The following PRKAG2 variants were observed in gnomAD, a reference collection of about 807,000 sequenced individuals.
The protein encoded by PRKAG2 is protein kinase AMP-activated non-catalytic subunit gamma 2.
Under a neutral mutation model 69.6 loss-of-function variants are expected in PRKAG2, and 26 were observed. The ratio of observed to expected loss-of-function variants is 0.37; its 90% CI spans 0.27 to 0.52. PRKAG2 has a LOEUF of 0.52. PRKAG2 is among the 20% of genes least tolerant of loss of function. The pLI is 0.90. For synonymous variants in PRKAG2, 293 were observed against 285.0 expected, an observed-to-expected ratio of 1.03 and a Z score of -0.28; for missense variants, 557 against 740.0, an observed-to-expected ratio of 0.75 and a Z score of 2.87.
chr7:151,595,398 A>G lies in PRKAG2; in HGVS notation c.811T>C (p.Tyr271His). ...TTTGAACTGGTTGGAACGATGTCATAACACTTGTGTGACCTCATGAATCGC... is the reference window on the plus strand; with the variant it reads ...TTTGAACTGGTTGGAACGATGTCATGACACTTGTGTGACCTCATGAATCGC... ...YMRFMRSHKCYDIVPTSSKLV... is the reference protein window; with the variant it reads ...YMRFMRSHKCHDIVPTSSKLV... Residue 271 changes from tyrosine to histidine, a missense_variant, in exon 6 of 16, where the codon TAT (tyrosine) becomes CAT (histidine). Around this residue, in one of 2 missense-constraint regions of PRKAG2, gnomAD observed 205 missense variants for 383.4 expected, o/e 0.53. Transcript: ENST00000287878. The G allele has an allele frequency of 1.2e-6, 2 of 1,614,138 alleles. No homozygotes were observed. Among genetic ancestry groups the G allele is most frequent in the Non-Finnish European group, 1.7e-6 (2 of 1,180,010 alleles).
At chr7:151,645,710 A>G (rs1827450907) in intron 4 of PRKAG2, among the ~76,000 whole-genome samples, 1 of 152,146 alleles carries the variant, frequency 6.6e-6, no homozygotes, top group African/African-American at 2.4e-5. Flanking sequence ...CAAGTTTTTA[A>G]TTTTGATAAG....
chr7:151,660,867 A>G (rs963029052), intron 4 of PRKAG2, among the ~76,000 whole-genome samples: 2 of 152,226 alleles, frequency 1.3e-5, no homozygotes, highest in Non-Finnish European at 2.9e-5. Flanking sequence ...TTCCTTTTAT[A>G]ATCAGAGGAA....
Position 151,800,153 on chromosome 7 carries a change from C to G in PRKAG2, c.115-13612G>C, listed in dbSNP as rs544277160. ...TGGGCGGATCATGAGGTCAGGAGAT[C>G]GAGACCATCCTGGCTAACATGGTGA... On this transcript the variant is annotated intron_variant, in intron 1 of 15. Transcript: ENST00000287878. 5.3e-5 allele frequency among the ~76,000 whole-genome samples: 8 copies of G among 151,900 alleles called. No individual in the cohort carries two copies. The East Asian group carries it at 7.8e-4, about 15-fold the overall frequency.
chr7:151,875,696 G>T lies in PRKAG2; in HGVS notation c.114+811C>A, dbSNP rs578141092. On this transcript the variant is annotated intron_variant, in intron 1 of 15. Transcript: ENST00000287878. The stretch of plus-strand genomic sequence containing the variant: ...TCCCACCGCCCTACCCCGCTACGTG[G>T]AGGCGAGGAACAGTGGCCGCGGGCT... Among the ~76,000 whole-genome samples, 32 of 151,432 alleles carry T rather than the reference G, an allele frequency of 2.1e-4. No individual in the cohort carries two copies. The East Asian group carries it at 4.4e-3, about 21-fold the overall frequency.
rs2074160535 is a variant in PRKAG2, at chr7:151,744,774, CG to C, written c.466+36377del. Among the ~76,000 whole-genome samples, 3 of 152,218 alleles carry C rather than the reference CG, an allele frequency of 2.0e-5. No individual in the cohort carries two copies. The South Asian group carries it at 6.2e-4, about 32-fold the overall frequency. On this transcript the variant is annotated intron_variant, in intron 3 of 15. Coordinates refer to ENST00000287878, the MANE Select transcript of PRKAG2 (RefSeq NM_016203.4). ...CAGGGCTGCTGAGGCCTGGGAGCAC[CG>C]CGCAGGCAGAATCAGCCCGGCCGAC...
At chr7:151,729,570 G>T (rs1798588714) in intron 3 of PRKAG2, among the ~76,000 whole-genome samples, 1 of 152,100 alleles carries the variant, frequency 6.6e-6, no homozygotes, top group South Asian at 2.1e-4. Context: ...CGGTGCTCAA[G>T]ACCCCCGAGG....
intron 1 of PRKAG2, among the ~76,000 whole-genome samples, chr7:151,832,460 C>T (rs989769641): frequency 2.6e-4 from 40 of 151,916 alleles, no homozygotes; most frequent in East Asian, 9.7e-4. Context: ...CTGTGGGAGG[C>T]GTGGGAGGCT....
chr7:151,671,476 T>C (rs1832034424), intron 4 of PRKAG2, among the ~76,000 whole-genome samples: 1 of 152,114 alleles, frequency 6.6e-6, no homozygotes, highest in Non-Finnish European at 1.5e-5. Context: ...CTCAATAAAA[T>C]CCAATTATAA....
rs574233340 is a variant in PRKAG2, at chr7:151,754,094, C to T, written c.466+27058G>A. Reference sequence around the variant, plus strand: ...TGTTAGTGCTGCCTTTTACTGTCTCCGAAGGTGGGAGCATCACCAAAGCAG... The same window carrying T: ...TGTTAGTGCTGCCTTTTACTGTCTCTGAAGGTGGGAGCATCACCAAAGCAG... On this transcript the variant is annotated intron_variant, in intron 3 of 15. Coordinates refer to ENST00000287878, the MANE Select transcript of PRKAG2 (RefSeq NM_016203.4). Among the ~76,000 whole-genome samples the T allele has an allele frequency of 9.0e-4, 137 of 152,294 alleles. 1 individual carries two copies. The highest frequency in any genetic ancestry group is 6.8e-3 in the Middle Eastern group (2 of 294).
chr7:151,804,547 G>A lies in PRKAG2; in HGVS notation c.115-18006C>T, dbSNP rs181085987. ...ACAATTCAAGAGGAGATTTGGGTGG[G>A]GACACGGATGTCACCACGAGCCCTC... On this transcript the variant is annotated intron_variant, in intron 1 of 15. Transcript: ENST00000287878. Among the ~76,000 whole-genome samples, 282 of 152,120 alleles carry A rather than the reference G, an allele frequency of 1.9e-3. 3 individuals carry two copies. In the Middle Eastern group the frequency reaches 0.02, roughly 11 times the overall value.
chr7:151,673,367 C>A (rs575449563), intron 4 of PRKAG2, among the ~76,000 whole-genome samples: 6 of 152,292 alleles, frequency 3.9e-5, no homozygotes, highest in Admixed American at 3.9e-4. Flanking sequence ...CCAGGCTCAG[C>A]CCAGCAGGTG....
Position 151,781,164 on chromosome 7 carries a change from G to A in PRKAG2, c.454C>T (p.Arg152Cys), listed in dbSNP as rs752783859. The A allele has an allele frequency of 1.3e-5, 21 of 1,613,776 alleles. No homozygotes were observed. Among genetic ancestry groups the A allele is most frequent in the Admixed American group, 6.7e-5 (4 of 60,004 alleles). The change falls in exon 3 of 16, where the codon CGC becomes TGC. Residue 152 changes from arginine (R) to cysteine (C), a missense_variant. Physicochemically the swap from Arg to Cys is radical, Grantham distance 180 (BLOSUM62 -3). Coordinates refer to ENST00000287878, the MANE Select transcript of PRKAG2 (RefSeq NM_016203.4). This position sits in a 1 kb window ranked among gnomAD's most constrained non-coding sequence, Gnocchi z 6.1. ...ATCAAGGTCTTACTTTTTCTGGAGC[G>A]GGAGAAAAACCTGATGCCCCCGGGC... ...TSPGGIRFFS[R>C]SRKTSGLSSS...
intron 4 of PRKAG2, among the ~76,000 whole-genome samples, chr7:151,664,102 A>G (rs1563373115): frequency 1.3e-5 from 2 of 152,194 alleles, no homozygotes; most frequent in Non-Finnish European, 2.9e-5. Context: ...CCAAACCCCT[A>G]ATCAGGTATA....
At chr7:151,637,707 G>GTT (rs78930256) in intron 4 of PRKAG2, among the ~76,000 whole-genome samples, 3,214 of 141,780 alleles carry the variant, frequency 0.023, 97 homozygotes, top group African/African-American at 0.075. Flanking sequence ...AAGTCATGAG[G>GTT]TTTTTTTTTT....
At chr7:151,796,736 G>C (rs1006848191) in intron 1 of PRKAG2, among the ~76,000 whole-genome samples, 5 of 152,158 alleles carry the variant, frequency 3.3e-5, no homozygotes, top group Non-Finnish European at 7.4e-5. Flanking sequence ...AGCTGACACG[G>C]GGAGAGTGGT....
intron 5 of PRKAG2, among the ~76,000 whole-genome samples, chr7:151,624,352 T>C (rs1485576270): frequency 6.6e-6 from 1 of 151,960 alleles, no homozygotes; most frequent in Admixed American, 6.6e-5. Flanking sequence ...GGTTTCGCCA[T>C]GTTGCCCAGG....
chr7:151,558,478 T>C (rs1278555323), intron 15 of PRKAG2: 32 of 982,732 alleles, frequency 3.3e-5, no homozygotes, highest in Non-Finnish European at 3.6e-5. Context: ...CTGAAGAAAT[T>C]GGGGCTGAAG....
intron 6 of PRKAG2, among the ~76,000 whole-genome samples, chr7:151,589,654 G>A (rs1294255323): frequency 6.6e-6 from 1 of 152,202 alleles, no homozygotes; most frequent in Non-Finnish European, 1.5e-5. Flanking sequence ...CTGGCACCAC[G>A]GCCGGGCACG....
intron 1 of PRKAG2, among the ~76,000 whole-genome samples, chr7:151,800,235 G>A (rs145176941): frequency 0.013 from 2,013 of 152,062 alleles, 44 homozygotes; most frequent in African/African-American, 0.045. Flanking sequence ...GCGGGCACCT[G>A]TAGTCCAAGC....
Sources: allele counts gnomAD v4.1 joint callset (sites outside exome capture counted in the v4.1 genomes callset), GRCh38; gene constraint gnomAD v4.1.1; regional missense constraint gnomAD v4.1.1; non-coding constraint Gnocchi (gnomAD v3.1); transcripts MANE v1.5; gene names NCBI Gene and HGNC (gene_info 2026-07-23, HGNC 2026-07-21).